Variants in FBLN7 observed in about 807,000 individuals in gnomAD.
FBLN7 encodes fibulin-7.
A neutral mutation model predicts 44.0 loss-of-function variants in FBLN7; 31 were observed. The ratio of observed to expected loss-of-function variants is 0.70; its 90% CI spans 0.53 to 0.95. FBLN7 has a LOEUF of 0.95. FBLN7 is among the 40% of genes least tolerant of loss of function. FBLN7 has a pLI of 0.00. For synonymous variants in FBLN7, 262 were observed against 253.4 expected, an observed-to-expected ratio of 1.03 and a Z score of -0.32; for missense variants, 573 against 618.5, an observed-to-expected ratio of 0.93 and a Z score of 0.78.
At chr2:112,160,167 T>A (rs1033228838) in intron 2 of FBLN7, among the ~76,000 whole-genome samples, 12 of 151,840 alleles carry the variant, frequency 7.9e-5, no homozygotes, top group Non-Finnish European at 1.6e-4. Flanking sequence ...ATTTTTTGTA[T>A]TTTTAGTAGA....
At chr2:112,160,778 ACACGCACGCACACGCACACACG>A (rs1317457575) in intron 2 of FBLN7, among the ~76,000 whole-genome samples, 19 of 143,348 alleles carry the variant, frequency 1.3e-4, no homozygotes, top group African/African-American at 1.8e-4. Flanking sequence ...ACGCAGACGC[ACACGCACGCACACGCACACACG>A]CACGCACACA....
At chr2:112,148,564 T>C (rs1309797073) in intron 1 of FBLN7, among the ~76,000 whole-genome samples, 1 of 152,220 alleles carries the variant, frequency 6.6e-6, no homozygotes, top group African/African-American at 2.4e-5. Context: ...GGGTAGCAAT[T>C]TGAGCCAAGC....
At chr2:112,183,341 G>A (rs577762149) in intron 6 of FBLN7, among the ~76,000 whole-genome samples, 75 of 152,262 alleles carry the variant, frequency 4.9e-4, no homozygotes, top group Non-Finnish European at 7.2e-4. Flanking sequence ...CTCTGAAAGG[G>A]GCAGCACCTT....
At chr2:112,184,085 G>C (rs1683128299) in intron 6 of FBLN7, among the ~76,000 whole-genome samples, 1 of 152,180 alleles carries the variant, frequency 6.6e-6, no homozygotes, top group Non-Finnish European at 1.5e-5. Context: ...GGATCATCCT[G>C]ACCCTTGGCC....
rs141297870 is a variant in FBLN7 at position 112,182,034 on chromosome 2, G to C, written c.670+158G>C. 1,572 of 897,582 alleles carry C rather than the reference G, an allele frequency of 1.8e-3. 7 individuals carry two copies. The highest frequency in any genetic ancestry group is 9.4e-3 in the Middle Eastern group (42 of 4,458). The allele number at this position is 897,582 out of a possible 1,614,324, so 55.6% of individuals were successfully genotyped here. On this transcript the variant is annotated intron_variant, in intron 5 of 7. Transcript: ENST00000331203. ...TGCATTATAGGTAAGTGTTGACCTA[G>C]TGATGGCTAGAAGGCAGCTAATTCA...
the FBLN7 span, among the ~76,000 whole-genome samples, chr2:112,216,745 GA>G: frequency 6.9e-6 from 1 of 145,028 alleles, no homozygotes; most frequent in Non-Finnish European, 1.5e-5. Context: ...TGGCAAACAA[GA>G]AAAAAATTAT....
chr2:112,185,263 G>T lies in FBLN7; in HGVS notation c.871G>T (p.Gly291Cys), dbSNP rs774573945. 2 of 1,614,014 alleles carry T rather than the reference G, an allele frequency of 1.2e-6. No individual in the cohort carries two copies. Among genetic ancestry groups the T allele is most frequent in the African/African-American group, 1.3e-5 (1 of 75,012 alleles). Residue 291 changes from glycine to cysteine, a missense_variant, in exon 7 of 8, where the codon GGT becomes TGT. By Grantham distance (159) the Gly-to-Cys change is radical. Coordinates refer to ENST00000331203, the MANE Select transcript of FBLN7 (RefSeq NM_153214.3). Reference sequence around the variant, plus strand: ...CCAGGGGACCACATGCATCAACACCGGTGGAAGCTTCCAGTGTGTCAGCCC... The same window carrying T: ...CCAGGGGACCACATGCATCAACACCTGTGGAAGCTTCCAGTGTGTCAGCCC... ...CPQGTTCINT[G>C]GSFQCVSPEC...
the FBLN7 span, among the ~76,000 whole-genome samples, chr2:112,194,600 A>G: frequency 2.6e-5 from 4 of 152,348 alleles, no homozygotes; most frequent in South Asian, 4.1e-4. Flanking sequence ...TAGTCACAAG[A>G]AGCCACTGAG....
chr2:112,164,938 AG>A, intron 2 of FBLN7, 62 bp from the exon 3 acceptor site: 1 of 1,557,618 alleles, frequency 6.4e-7, no homozygotes, highest in East Asian at 2.3e-5. Context: ...CCTGTAATTC[AG>A]TAATGTCTAA....
chr2:112,195,321 GCTTA>G, the FBLN7 span, among the ~76,000 whole-genome samples: 5 of 152,296 alleles, frequency 3.3e-5, no homozygotes. Flanking sequence ...CATATACCTT[GCTTA>G]CTTATGCCAG....
chr2:112,173,688 A>G (rs1327845194), intron 3 of FBLN7, among the ~76,000 whole-genome samples: 1 of 152,284 alleles, frequency 6.6e-6, no homozygotes, highest in African/African-American at 2.4e-5. Context: ...AGATGAAAGC[A>G]GAATTATCAT....
At chr2:112,217,490 T>TC in the FBLN7 span, among the ~76,000 whole-genome samples, 1 of 152,262 alleles carries the variant, frequency 6.6e-6, no homozygotes, top group Non-Finnish European at 1.5e-5. Context: ...TACATTAAAA[T>TC]CCATTGGTCT....
At chr2:112,233,230 A>G in the FBLN7 span, 4 of 1,423,514 alleles carry the variant, frequency 2.8e-6, no homozygotes, top group African/African-American at 1.5e-5. Flanking sequence ...AAATATTTAT[A>G]AAGTCACCAT....
At chr2:112,153,554 AG>A in intron 1 of FBLN7, among the ~76,000 whole-genome samples, 1 of 152,196 alleles carries the variant, frequency 6.6e-6, no homozygotes, top group Non-Finnish European at 1.5e-5. Flanking sequence ...ATACTCCTGA[AG>A]CTTCTCTGTA....
chr2:112,161,303 G>C (rs552547203), intron 2 of FBLN7, among the ~76,000 whole-genome samples: 2 of 152,282 alleles, frequency 1.3e-5, no homozygotes, highest in South Asian at 4.1e-4. Context: ...TGGGGAAGGC[G>C]TTGGATTTCC....
At chr2:112,209,542 C>G in the FBLN7 span, among the ~76,000 whole-genome samples, 10 of 152,144 alleles carry the variant, frequency 6.6e-5, no homozygotes, top group African/African-American at 2.4e-4. Flanking sequence ...CAAAGCATGG[C>G]ATCTCCAGAG....
the FBLN7 span, among the ~76,000 whole-genome samples, chr2:112,230,225 G>T: frequency 6.6e-6 from 1 of 152,114 alleles, no homozygotes; most frequent in Non-Finnish European, 1.5e-5. Context: ...ACAATATAAA[G>T]TACTGGCAAG....
chr2:112,178,121 T>C (rs1407613676), intron 4 of FBLN7: 1 of 151,534 alleles, frequency 6.6e-6, no homozygotes, highest in Non-Finnish European at 1.5e-5. Flanking sequence ...TAAGCCGAGA[T>C]CGTGCCACTG....
intron 4 of FBLN7, among the ~76,000 whole-genome samples, chr2:112,178,786 G>A (rs1682850255): frequency 6.6e-6 from 1 of 152,144 alleles, no homozygotes; most frequent in South Asian, 2.1e-4. Context: ...AAAGGCTTTT[G>A]ATGAAATTCA....
Sources: allele counts gnomAD v4.1 joint callset (sites outside exome capture counted in the v4.1 genomes callset), GRCh38; gene constraint gnomAD v4.1.1; transcripts MANE v1.5; gene names NCBI Gene and HGNC (gene_info 2026-07-23, HGNC 2026-07-21).